IGSF10: variants seen among roughly 807,000 people sequenced by gnomAD.
IGSF10 encodes immunoglobulin superfamily member 10.
IGSF10 carries 126 observed loss-of-function variants against 128.2 expected under a neutral mutation model. The observed-to-expected ratio is 0.98, with a 90% CI of 0.85 to 1.14. IGSF10 has a LOEUF of 1.14. IGSF10 is among the 50% of genes most tolerant of loss of function. The pLI, the probability that IGSF10 is intolerant of heterozygous loss-of-function variation, is 0.00. For missense variants in IGSF10, 3,295 were observed against 3,149.8 expected, an observed-to-expected ratio of 1.05 and a Z score of -1.10; for synonymous variants, 1,185 against 1,146.2, an observed-to-expected ratio of 1.03 and a Z score of -0.68.
upstream of IGSF10, chr3:151,461,425 A>C: frequency 1.0e-6 from 1 of 984,890 alleles, no homozygotes; most frequent in Non-Finnish European, 1.2e-6. Context: ...ATGACCTGTG[A>C]TACCTGCAGT....
the IGSF10 span, among the ~76,000 whole-genome samples, chr3:151,527,188 C>G: frequency 6.6e-6 from 1 of 152,114 alleles, no homozygotes; most frequent in Non-Finnish European, 1.5e-5. Context: ...TGACAGAAAA[C>G]TCAGCCCAGC....
In IGSF10 at chr3:151,443,783, A is replaced by G; in HGVS notation, c.5164T>C (p.Leu1722=). Residue 1722 remains leucine, a synonymous_variant, in exon 7 of 8, where the codon TTG becomes CTG. Transcript: ENST00000282466. ...CCAAACAGATTGGATGCGGAACACA[A>G]GTACTGTCCGCGGTCCTGAATTTCC... ...RVEIQDRGQY[L]CSASNLFGTD... 6.2e-7 allele frequency: 1 copy of G among 1,614,146 alleles called. No individual in the cohort carries two copies. The highest frequency in any genetic ancestry group is 8.5e-7 in the Non-Finnish European group (1 of 1,180,002).
rs1169820905 is a variant in IGSF10 at position 151,445,666 on chromosome 3, C to G, written c.4315G>C (p.Glu1439Gln). The G allele has an allele frequency of 6.2e-7, 1 of 1,614,180 alleles. No individual in the cohort carries two copies. Among genetic ancestry groups the G allele is most frequent in the Admixed American group, 1.7e-5 (1 of 60,022 alleles). ...TGTGATTTGCTGGACAAAGTTGTTT[C>G]AGAAGCAATTGTGCTCTTCAAAGTC... is the stretch of plus-strand genomic sequence containing the variant. ...TQTLKSTIAS[E>Q]TTLSSKSHQS... is the part of the protein sequence containing the mutation. The change falls in exon 6 of 8, where the codon GAA (glutamate) becomes CAA (glutamine). Residue 1439 changes from glutamate to glutamine, a missense_variant. Glu to Gln is a conservative substitution (Grantham distance 29). Transcript: ENST00000282466.
At chr3:151,532,613 G>A in the IGSF10 span, among the ~76,000 whole-genome samples, 5 of 152,024 alleles carry the variant, frequency 3.3e-5, no homozygotes, top group Admixed American at 6.6e-5. Flanking sequence ...AAAGGCCTTC[G>A]ACAACACTCA....
chr3:151,458,445 G>C (rs1469653581), intron 3 of IGSF10, 71 bp downstream of exon 3: 1 of 1,081,530 alleles, frequency 9.2e-7, no homozygotes, highest in Admixed American at 2.7e-5. Flanking sequence ...CAAAGTCATA[G>C]ATGTTTGAGG....
At chr3:151,520,969 A>G in the IGSF10 span, among the ~76,000 whole-genome samples, 1 of 151,594 alleles carries the variant, frequency 6.6e-6, no homozygotes, top group Admixed American at 6.6e-5. Flanking sequence ...AATATCCAAT[A>G]GTCTTTAAGT....
the IGSF10 span, among the ~76,000 whole-genome samples, chr3:151,586,104 C>T: frequency 7.9e-5 from 12 of 151,752 alleles, no homozygotes; most frequent in Non-Finnish European, 1.5e-4. Flanking sequence ...CTCAGACTCC[C>T]GAGTTGCCAC....
chr3:151,474,044 G>A, the IGSF10 span, among the ~76,000 whole-genome samples: 1 of 151,962 alleles, frequency 6.6e-6, no homozygotes, highest in African/African-American at 2.4e-5. Flanking sequence ...TTGTGAATTG[G>A]GGAAAATCTT....
the IGSF10 span, among the ~76,000 whole-genome samples, chr3:151,541,563 T>C: frequency 6.6e-6 from 1 of 152,206 alleles, no homozygotes. Context: ...CACTATTCTT[T>C]TAGGAGGCTG....
At chr3:151,481,340 C>G in the IGSF10 span, among the ~76,000 whole-genome samples, 2 of 152,194 alleles carry the variant, frequency 1.3e-5, no homozygotes, top group Non-Finnish European at 2.9e-5. Flanking sequence ...GTTCCCTACC[C>G]GCAGGGTCCA....
chr3:151,609,345 T>G, the IGSF10 span, among the ~76,000 whole-genome samples: 1 of 152,324 alleles, frequency 6.6e-6, no homozygotes, highest in African/African-American at 2.4e-5. Context: ...TTATAAGGAA[T>G]GAGAAATCAT....
At chr3:151,534,630 G>A in the IGSF10 span, among the ~76,000 whole-genome samples, 4 of 135,406 alleles carry the variant, frequency 3.0e-5, no homozygotes, top group East Asian at 8.7e-4. Flanking sequence ...GGGGAGGGGG[G>A]TCATCACACA....
At chr3:151,588,010 T>C in the IGSF10 span, among the ~76,000 whole-genome samples, 1 of 152,184 alleles carries the variant, frequency 6.6e-6, no homozygotes, top group African/African-American at 2.4e-5. Flanking sequence ...GAAAATGGAC[T>C]AATAAAACAT....
At chr3:151,433,347 G>A (rs190300070), downstream of IGSF10, 1 of 152,814 alleles carries the variant, frequency 6.5e-6, no homozygotes, top group Admixed American at 6.5e-5. Flanking sequence ...AATCTCATAA[G>A]CACTTTATAA....
the IGSF10 span, among the ~76,000 whole-genome samples, chr3:151,537,992 T>C: frequency 2.6e-5 from 4 of 152,312 alleles, no homozygotes; most frequent in East Asian, 7.7e-4. Context: ...TGAGCCCTCC[T>C]GCTTCCTCAG....
At chr3:151,585,697 G>A in the IGSF10 span, among the ~76,000 whole-genome samples, 1 of 151,884 alleles carries the variant, frequency 6.6e-6, no homozygotes, top group Non-Finnish European at 1.5e-5. Context: ...TGTTTAACTG[G>A]AAATAGCTTC....
chr3:151,457,759 C>T (rs1278115838), intron 3 of IGSF10, among the ~76,000 whole-genome samples: 1 of 152,208 alleles, frequency 6.6e-6, no homozygotes, highest in Admixed American at 6.5e-5. Flanking sequence ...ATGCCAGCAC[C>T]TACTGAGCAC....
upstream of IGSF10, chr3:151,461,116 C>T: frequency 1.0e-6 from 1 of 985,274 alleles, no homozygotes; most frequent in African/African-American, 1.7e-5. Context: ...GGGACGCGGC[C>T]GGGGCTCAGC....
downstream of IGSF10, chr3:151,435,978 AAAG>A (rs529154653): frequency 3.3e-4 from 51 of 152,316 alleles, no homozygotes; most frequent in African/African-American, 8.4e-4. Context: ...TTAAAGTTAT[AAAG>A]AAGTTTCATT....
Sources: allele counts gnomAD v4.1 joint callset (sites outside exome capture counted in the v4.1 genomes callset), GRCh38; gene constraint gnomAD v4.1.1; transcripts MANE v1.5; gene names NCBI Gene and HGNC (gene_info 2026-07-23, HGNC 2026-07-21).